Variants in KCNH1 observed in about 807,000 individuals in gnomAD.
The protein encoded by KCNH1 is potassium voltage-gated channel subfamily H member 1, also known as voltage-gated delayed rectifier potassium channel KCNH1.
Under a neutral mutation model 69.2 loss-of-function variants are expected in KCNH1, and 27 were observed. The ratio of observed to expected loss-of-function variants is 0.39; its 90% CI spans 0.29 to 0.54. KCNH1 has a LOEUF of 0.54. Among genes scored for constraint, KCNH1 ranks in the 20% least tolerant of loss-of-function variants. The probability of loss-of-function intolerance (pLI) is 0.68; values close to 1 mark genes in which losing one functional copy is unlikely to be tolerated. For missense variants in KCNH1, 798 were observed against 1,261.6 expected (o/e 0.63, Z 5.57); for synonymous variants, 456 against 487.7 (o/e 0.93, Z 0.86).
chr1:210,782,606 A>T (rs1209332480), intron 9 of KCNH1, among the ~76,000 whole-genome samples: 1 of 152,116 alleles, frequency 6.6e-6, no homozygotes, highest in African/African-American at 2.4e-5. Context: ...AGCACTTGTA[A>T]TCGCAGCTAC....
At chr1:211,071,585 ATGT>A (rs547223258) in intron 5 of KCNH1, among the ~76,000 whole-genome samples, 9 of 152,340 alleles carry the variant, frequency 5.9e-5, no homozygotes, top group South Asian at 2.1e-4. Context: ...ACGTCTGTAA[ATGT>A]TGTTTGTGTG....
intron 8 of KCNH1, among the ~76,000 whole-genome samples, chr1:210,798,986 G>A (rs1409999534): frequency 6.6e-6 from 1 of 151,520 alleles, no homozygotes; most frequent in Non-Finnish European, 1.5e-5. Context: ...GGATGAAGCA[G>A]CAAAAAATAA....
intron 10 of KCNH1, among the ~76,000 whole-genome samples, chr1:210,764,720 TA>T (rs1398350945): frequency 6.6e-6 from 1 of 151,956 alleles, no homozygotes; most frequent in African/African-American, 2.4e-5. Flanking sequence ...TAACAGATGG[TA>T]AGGTTGGGAA....
chr1:211,008,737 T>C (rs2102406208), intron 6 of KCNH1, among the ~76,000 whole-genome samples: 1 of 152,366 alleles, frequency 6.6e-6, no homozygotes, highest in Admixed American at 6.5e-5. Flanking sequence ...AAGTAGTGGT[T>C]ATGTGCAAGT....
At chr1:210,797,146 A>G (rs1461613394) in intron 9 of KCNH1, among the ~76,000 whole-genome samples, 2 of 152,050 alleles carry the variant, frequency 1.3e-5, no homozygotes, top group African/African-American at 4.8e-5. Flanking sequence ...TCTCCATGCT[A>G]ACTCATTCTC....
At chr1:210,890,143 ATAC>A (rs879426198) in intron 7 of KCNH1, among the ~76,000 whole-genome samples, 1 of 152,208 alleles carries the variant, frequency 6.6e-6, no homozygotes, top group Admixed American at 6.5e-5. Context: ...ATGTCAAACT[ATAC>A]TACAAGGCTA....
intron 7 of KCNH1, among the ~76,000 whole-genome samples, chr1:210,895,140 G>A (rs1307575883): frequency 2.0e-5 from 3 of 149,748 alleles, no homozygotes; most frequent in African/African-American, 7.3e-5. Context: ...ATTTTGTTAA[G>A]CTTTCTGTTT....
chr1:211,045,041 G>GATATATAGATATATATATATAGATATAT (rs1164564038), intron 5 of KCNH1, among the ~76,000 whole-genome samples: 1 of 81,718 alleles, frequency 1.2e-5, no homozygotes, highest in East Asian at 3.1e-4. Context: ...AATTGTGGGG[G>GATATATAGATATATATATATAGATATAT]ATATATATAT....
At chr1:211,033,915 CA>C (rs200651581) in intron 5 of KCNH1, among the ~76,000 whole-genome samples, 15,029 of 144,404 alleles carry the variant, frequency 0.1, 903 homozygotes, top group East Asian at 0.26. Context: ...AAAGTATAAT[CA>C]AAAAAAAAAA....
intron 7 of KCNH1, chr1:210,861,076 A>G (rs1216160953): frequency 4.4e-6 from 4 of 909,274 alleles, no homozygotes. Context: ...TCCTCTTACT[A>G]TGGGCTGTAA....
intron 9 of KCNH1, among the ~76,000 whole-genome samples, chr1:210,777,652 A>G (rs1300998376): frequency 6.6e-6 from 1 of 151,956 alleles, no homozygotes; most frequent in African/African-American, 2.4e-5. Flanking sequence ...GCATTCTATA[A>G]CCTCCCTATA....
chr1:210,792,887 T>C (rs183808829), intron 9 of KCNH1, among the ~76,000 whole-genome samples: 1 of 152,274 alleles, frequency 6.6e-6, no homozygotes, highest in East Asian at 1.9e-4. Flanking sequence ...CTGATGCTAG[T>C]CCATGACTCA....
intron 6 of KCNH1, among the ~76,000 whole-genome samples, chr1:210,997,020 A>G (rs551624068): frequency 1.3e-5 from 2 of 152,360 alleles, no homozygotes; most frequent in East Asian, 3.9e-4. Context: ...GTACATCACC[A>G]TCATCAAAGA....
chr1:211,045,104 A>G (rs1690073939), intron 5 of KCNH1, among the ~76,000 whole-genome samples: 1 of 132,892 alleles, frequency 7.5e-6, no homozygotes, highest in Admixed American at 7.8e-5. Context: ...GAATGAATTA[A>G]TGGCATTCAC....
At chr1:210,970,089 T>C (rs1057487541) in intron 6 of KCNH1, among the ~76,000 whole-genome samples, 2 of 152,012 alleles carry the variant, frequency 1.3e-5, no homozygotes, top group Non-Finnish European at 2.9e-5. Flanking sequence ...TTTTGTTTTT[T>C]TCTCCTGCTT....
Position 210,937,414 on chromosome 1 carries a change from CA to C in KCNH1, c.1033-17346del, listed in dbSNP as rs368786029. Among the ~76,000 whole-genome samples, 844 of 152,318 alleles carry C rather than the reference CA, an allele frequency of 5.5e-3. 9 individuals carry two copies. The highest frequency in any genetic ancestry group is 0.019 in the African/African-American group (797 of 41,566). On this transcript the variant is annotated intron_variant, in intron 6 of 10. Coordinates refer to ENST00000271751, the MANE Select transcript of KCNH1 (RefSeq NM_172362.3). ...ATGCCAGAATACCTGCTTTTCCATGCAACTACAGTATGAGCACATGATCTAG... is the reference window on the plus strand; with the variant it reads ...ATGCCAGAATACCTGCTTTTCCATGCACTACAGTATGAGCACATGATCTAG...
chr1:210,839,505 G>A (rs1558491383), intron 7 of KCNH1, among the ~76,000 whole-genome samples: 1 of 152,118 alleles, frequency 6.6e-6, no homozygotes, highest in Non-Finnish European at 1.5e-5. Flanking sequence ...GTGATGGGAT[G>A]ATCTGTGCAG....
intron 10 of KCNH1, among the ~76,000 whole-genome samples, chr1:210,759,573 A>G (rs186463413): frequency 5.4e-4 from 82 of 152,210 alleles, no homozygotes; most frequent in South Asian, 1.9e-3. Flanking sequence ...GTATTTCAGA[A>G]CTCTAAGATA....
chr1:210,998,520 G>C (rs544042291), intron 6 of KCNH1, among the ~76,000 whole-genome samples: 1 of 151,886 alleles, frequency 6.6e-6, no homozygotes, highest in South Asian at 2.1e-4. Context: ...AGCAAGTCCT[G>C]AGAGATCTAC....
Sources: gnomAD v4.1 joint callset for allele counts (sites outside exome capture counted in the v4.1 genomes callset) on GRCh38, gnomAD v4.1.1 for gene constraint, MANE v1.5 for transcripts, NCBI Gene and HGNC (gene_info 2026-07-23, HGNC 2026-07-21) for gene names.